TSPAN16: variants seen among roughly 807,000 people sequenced by gnomAD.
The protein encoded by TSPAN16 is tetraspanin 16, also known as tetraspanin-16.
TSPAN16 carries 23 observed loss-of-function variants against 25.2 expected under a neutral mutation model. That is an observed-to-expected ratio of 0.91 (90% CI 0.66 to 1.29). The LOEUF (loss-of-function observed/expected upper bound fraction) is 1.29. Ranked by LOEUF, TSPAN16 falls within the 50% of genes most tolerant of loss-of-function variation. The probability of loss-of-function intolerance (pLI) is 0.00; values close to 1 mark genes in which losing one functional copy is unlikely to be tolerated. For synonymous variants in TSPAN16, 123 were observed against 124.4 expected, an observed-to-expected ratio of 0.99 and a Z score of 0.08; for missense variants, 272 against 299.9, an observed-to-expected ratio of 0.91 and a Z score of 0.69.
downstream of TSPAN16, among the ~76,000 whole-genome samples, chr19:11,317,376 T>C (rs1014442313): frequency 3.9e-5 from 6 of 152,190 alleles, no homozygotes; most frequent in African/African-American, 1.2e-4. Context: ...AGTGCAGAGA[T>C]GTGATTGTTG....
intron 4 of TSPAN16, among the ~76,000 whole-genome samples, chr19:11,303,985 T>C (rs1232652766): frequency 6.6e-6 from 1 of 151,338 alleles, no homozygotes. Flanking sequence ...CTTCACCATG[T>C]TGGCCAGGCT....
chr19:11,305,661 GT>G (rs1377591333), intron 4 of TSPAN16, among the ~76,000 whole-genome samples: 1 of 151,772 alleles, frequency 6.6e-6, no homozygotes, highest in African/African-American at 2.4e-5. Context: ...GAGGCTAAGA[GT>G]TTGAGACCAG....
intron 4 of TSPAN16, among the ~76,000 whole-genome samples, chr19:11,305,780 C>T (rs527321352): frequency 7.9e-5 from 12 of 152,150 alleles, no homozygotes; most frequent in Admixed American, 5.9e-4. Flanking sequence ...GAGGGAGAAT[C>T]GCTTGAGCCC....
chr19:11,307,263 G>A (rs1568291185), intron 5 of TSPAN16, among the ~76,000 whole-genome samples: 1 of 151,192 alleles, frequency 6.6e-6, no homozygotes, highest in Admixed American at 6.6e-5. Context: ...GGGATTACAG[G>A]TGTGTGCCAC....
intron 2 of TSPAN16, 122 bp from the exon 3 acceptor site, chr19:11,298,750 A>T (rs1332517969): frequency 4.5e-6 from 4 of 881,918 alleles, no homozygotes. Flanking sequence ...TTTAAACTGG[A>T]GAGGCCAGGG....
In TSPAN16 at chr19:11,325,436, C is replaced by T. The variant is rs753462943; in HGVS notation, c.688-1358C>T. On this transcript the variant is annotated intron_variant, in intron 6 of 6. Transcript: ENST00000316737. ...CTGCTGGGCTGGGGGGCTGGAGCAT[C>T]CCCCACGGCCGGGCCTTTCCCGTTG... is the stretch of plus-strand genomic sequence containing the variant. 8.7e-6 allele frequency: 14 copies of T among 1,606,648 alleles called. No individual in the cohort carries two copies. In the East Asian group the frequency reaches 8.9e-5, roughly 10 times the overall value.
At chr19:11,325,518 C>T (rs1333226781) in intron 6 of TSPAN16, 1 of 1,613,672 alleles carries the variant, frequency 6.2e-7, no homozygotes, top group African/African-American at 1.3e-5. Context: ...AGATGACATC[C>T]ACCAGGCGCT....
Position 11,312,222 on chromosome 19 carries a change from GGTA to G in TSPAN16, c.687+1_687+3del, listed in dbSNP as rs2147953205. 6.2e-7 allele frequency: 1 copy of G among 1,609,432 alleles called. No homozygotes were observed. The highest frequency in any genetic ancestry group is 1.3e-5 in the African/African-American group (1 of 74,600). Reference sequence around the variant, plus strand: ...GCTCTCTGGGAGCTGCAGTGATACAGGTAAGACCCAGCCTCTCTAGGGTCTTTG... The same window carrying G: ...GCTCTCTGGGAGCTGCAGTGATACAGAGACCCAGCCTCTCTAGGGTCTTTG... On this transcript the variant is annotated splice_donor_variant and splice_donor_region_variant and intron_variant, in intron 6 of 6. Transcript: ENST00000590327. LOFTEE classifies it high-confidence loss of function.
intron 4 of TSPAN16, among the ~76,000 whole-genome samples, chr19:11,303,115 G>A (rs911540955): frequency 2.0e-5 from 3 of 149,990 alleles, no homozygotes; most frequent in African/African-American, 7.6e-5. Context: ...GGAATAGAAA[G>A]GGGGGAAAGG....
In TSPAN16 at chr19:11,306,810, CATTTTT is replaced by C. The variant is rs2080633159; in HGVS notation, c.603+63_603+68del. Reference sequence around the variant, plus strand: ...ACAGACCCCTGAGGGCTGGTGACTTCATTTTTATTTTTATCTTATTTTGAGAAAGAG... The same window carrying C: ...ACAGACCCCTGAGGGCTGGTGACTTCATTTTTATCTTATTTTGAGAAAGAG... On this transcript the variant is annotated intron_variant, in intron 5 of 6. Transcript: ENST00000590327. 1.2e-5 allele frequency: 19 copies of C among 1,525,474 alleles called. No homozygotes were observed. The South Asian group carries it at 1.7e-4, about 14-fold the overall frequency. The allele number at this position is 1,525,474 out of a possible 1,614,324, so 94.5% of individuals were successfully genotyped here. A position where few individuals can be genotyped will look rare whatever the true frequency, so the allele number is the denominator to read the frequency against.
chr19:11,299,918 A>C (rs1307483142), intron 3 of TSPAN16, among the ~76,000 whole-genome samples: 1 of 151,544 alleles, frequency 6.6e-6, no homozygotes, highest in African/African-American at 2.4e-5. Flanking sequence ...CAGAGGTTGC[A>C]GTGAGCTGAG....
chr19:11,312,122 G>C lies in TSPAN16; in HGVS notation c.604-17G>C, dbSNP rs754679131. 1 of 1,604,808 alleles carries C rather than the reference G, an allele frequency of 6.2e-7. No individual in the cohort carries two copies. The highest frequency in any genetic ancestry group is 1.7e-5 in the Admixed American group (1 of 59,616). Reference sequence around the variant, plus strand: ...CCCCTAACCACCTCCTGCTTGTTTTGGTGTTTGTTTCCTCAGGGCTGTTTC... The same window carrying C: ...CCCCTAACCACCTCCTGCTTGTTTTCGTGTTTGTTTCCTCAGGGCTGTTTC... On this transcript the variant is annotated splice_polypyrimidine_tract_variant and intron_variant, in intron 5 of 6. Coordinates refer to ENST00000590327, the MANE Select transcript of TSPAN16 (RefSeq NM_001282509.2).
At chr19:11,319,593 G>T (rs546955406), downstream of TSPAN16, among the ~76,000 whole-genome samples, 9 of 151,668 alleles carry the variant, frequency 5.9e-5, no homozygotes, top group East Asian at 1.8e-3. Flanking sequence ...GCGAGACTCT[G>T]TCTCAAAACA....
At chr19:11,315,426 G>A (rs1394940760) in intron 6 of TSPAN16, among the ~76,000 whole-genome samples, 4 of 150,558 alleles carry the variant, frequency 2.7e-5, no homozygotes, top group Admixed American at 6.6e-5. Flanking sequence ...GCGTGGTGGC[G>A]GCCGCCTGTA....
At chr19:11,300,508 T>A (rs1224013954) in intron 3 of TSPAN16, among the ~76,000 whole-genome samples, 2 of 152,166 alleles carry the variant, frequency 1.3e-5, no homozygotes, top group African/African-American at 4.8e-5. Context: ...CACAGAGTTA[T>A]GGGCAGGCCA....
At chr19:11,318,351 G>A (rs1387244696), downstream of TSPAN16, among the ~76,000 whole-genome samples, 1 of 151,870 alleles carries the variant, frequency 6.6e-6, no homozygotes, top group Non-Finnish European at 1.5e-5. Flanking sequence ...TAGTAGAGAC[G>A]GGGTTTCACT....
At chr19:11,314,630 C>A (rs2080726298) in intron 6 of TSPAN16, among the ~76,000 whole-genome samples, 1 of 152,070 alleles carries the variant, frequency 6.6e-6, no homozygotes, top group Non-Finnish European at 1.5e-5. Context: ...CCCAGATGGT[C>A]CATTTAAGAT....
chr19:11,301,022 T>C (rs2080540435), intron 3 of TSPAN16, 179 bp from the exon 4 acceptor site: 1 of 570,670 alleles, frequency 1.8e-6, no homozygotes. Context: ...TCTCTTGTGG[T>C]GGGGGCACAG....
At chr19:11,316,684 G>A (rs1471645370), downstream of TSPAN16, among the ~76,000 whole-genome samples, 2 of 151,758 alleles carry the variant, frequency 1.3e-5, no homozygotes, top group Admixed American at 6.6e-5. Flanking sequence ...CATATCTATA[G>A]GCTCACTTAT....
Sources: gnomAD v4.1 joint callset for allele counts (sites outside exome capture counted in the v4.1 genomes callset) on GRCh38, gnomAD v4.1.1 for gene constraint, MANE v1.5 for transcripts, NCBI Gene and HGNC (gene_info 2026-07-23, HGNC 2026-07-21) for gene names.